Variants in DACH2 observed in about 807,000 individuals in gnomAD.
DACH2 encodes the protein dachshund family transcription factor 2, also known as dachshund homolog 2.
In DACH2, 17 loss-of-function variants were observed where a neutral mutation model predicts 35.8. The observed-to-expected ratio is 0.48, with a 90% CI of 0.33 to 0.71. The LOEUF (loss-of-function observed/expected upper bound fraction) is 0.71. DACH2 is among the 30% of genes least tolerant of loss of function. The probability of loss-of-function intolerance (pLI) is 0.02; values close to 1 mark genes in which losing one functional copy is unlikely to be tolerated. For missense variants in DACH2, 469 were observed against 472.7 expected (o/e 0.99, Z 0.07); for synonymous variants, 195 against 177.3 (o/e 1.10, Z -0.79).
chrX:86,517,214 G>GT (rs1483161161), intron 3 of DACH2, among the ~76,000 whole-genome samples: 1 of 111,304 alleles, frequency 9.0e-6, no homozygotes, highest in Non-Finnish European at 1.9e-5. Context: ...TCGTCAGCAT[G>GT]TTTTTTGACT....
intron 1 of DACH2, chrX:86,345,424 A>T: frequency 3.3e-6 from 1 of 304,862 alleles, no homozygotes; most frequent in South Asian, 3.1e-5. Flanking sequence ...CAGGAAAAAA[A>T]ATAGAAGGAA....
chrX:86,597,254 A>C (rs1319010328), intron 3 of DACH2, among the ~76,000 whole-genome samples: 1 of 111,795 alleles, frequency 8.9e-6, no homozygotes, highest in Non-Finnish European at 1.9e-5. Context: ...TTGTTTTCCA[A>C]ATCATGAACA....
At chrX:86,161,028 G>A in intron 1 of DACH2, 1 of 983,233 alleles carries the variant, frequency 1.0e-6, no homozygotes, top group Non-Finnish European at 1.4e-6. Flanking sequence ...CTTGAACGAA[G>A]GCACGTTAGC....
intron 2 of DACH2, among the ~76,000 whole-genome samples, chrX:86,500,948 G>A (rs1367570380): frequency 9.0e-6 from 1 of 111,412 alleles, no homozygotes; most frequent in Admixed American, 9.6e-5. Flanking sequence ...CCAACACAAA[G>A]GGAGGCAGAT....
chrX:86,484,913 TG>T (rs1054399244), intron 2 of DACH2, among the ~76,000 whole-genome samples: 3 of 111,828 alleles, frequency 2.7e-5, no homozygotes, highest in African/African-American at 9.7e-5. Context: ...TAGCACATAT[TG>T]TTGGGAGGTT....
chrX:86,195,657 A>G (rs188891673), intron 1 of DACH2, among the ~76,000 whole-genome samples: 34 of 111,959 alleles, frequency 3.0e-4, no homozygotes, highest in Non-Finnish European at 5.8e-4. Flanking sequence ...TCACAACACT[A>G]TAAAATGCTT....
At chrX:86,536,758 C>A (rs1156812596) in intron 3 of DACH2, among the ~76,000 whole-genome samples, 1 of 111,850 alleles carries the variant, frequency 8.9e-6, no homozygotes, top group Non-Finnish European at 1.9e-5. Context: ...ACATCTGTCT[C>A]CTCAAAATGT....
intron 4 of DACH2, among the ~76,000 whole-genome samples, chrX:86,691,152 C>A (rs1026548152): frequency 2.7e-5 from 3 of 111,532 alleles, no homozygotes; most frequent in Non-Finnish European, 3.8e-5. Flanking sequence ...AGTTTCTCTC[C>A]TCTTTACTGG....
Position 86,777,430 on chromosome X carries a change from T to C in DACH2, c.1241-35426T>C, listed in dbSNP as rs375952951. Among the ~76,000 whole-genome samples the C allele has an allele frequency of 3.6e-5, 4 of 111,237 alleles. 1 individual carries two copies. The South Asian group carries it at 1.5e-3, about 42-fold the overall frequency. ...AATCCCTAGAGAAGAGGGTTATCAGTGGTTTCAGGGAGAAAGGAAGCTTAC... is the reference window on the plus strand; with the variant it reads ...AATCCCTAGAGAAGAGGGTTATCAGCGGTTTCAGGGAGAAAGGAAGCTTAC... On this transcript the variant is annotated intron_variant, in intron 7 of 11. Transcript: ENST00000373125.
At chrX:86,523,500 A>G (rs1388075111) in intron 3 of DACH2, among the ~76,000 whole-genome samples, 2 of 111,727 alleles carry the variant, frequency 1.8e-5, no homozygotes, top group African/African-American at 6.5e-5. Flanking sequence ...CTTTTTTAGC[A>G]GTAAAAAATA....
chrX:86,771,425 C>A (rs1368446238), intron 7 of DACH2, among the ~76,000 whole-genome samples: 1 of 112,136 alleles, frequency 8.9e-6, no homozygotes, highest in Non-Finnish European at 1.9e-5. Context: ...TTATGGTTTC[C>A]ATGGGAAAGG....
intron 1 of DACH2, among the ~76,000 whole-genome samples, chrX:86,181,416 A>T (rs2031490181): frequency 9.0e-6 from 1 of 110,722 alleles, no homozygotes; most frequent in South Asian, 3.8e-4. Context: ...ACTCCCATTT[A>T]TGAGTGAAAA....
intron 2 of DACH2, among the ~76,000 whole-genome samples, chrX:86,391,542 G>T (rs923786291): frequency 3.6e-5 from 4 of 110,588 alleles, no homozygotes; most frequent in African/African-American, 1.3e-4. Flanking sequence ...CTTTCTACAT[G>T]AGGTTTTAAA....
chrX:86,276,000 C>G (rs184143503), intron 1 of DACH2, among the ~76,000 whole-genome samples: 2 of 112,327 alleles, frequency 1.8e-5, no homozygotes, highest in East Asian at 5.6e-4. Context: ...CTATTGTAAA[C>G]AGTGCTGCAA....
chrX:86,283,232 TGATGCTGGAGAGGATGTGGAGAAATAGG>T (rs1383397476), intron 1 of DACH2, among the ~76,000 whole-genome samples: 6 of 111,647 alleles, frequency 5.4e-5, no homozygotes, highest in African/African-American at 2.0e-4. Context: ...AGGAAACTAC[TGATGCTGGAGAGGATGTGGAGAAATAGG>T]GACACTTTTA....
chrX:86,743,208 C>T (rs995006738), intron 7 of DACH2, among the ~76,000 whole-genome samples: 4 of 110,919 alleles, frequency 3.6e-5, no homozygotes, highest in Non-Finnish European at 7.6e-5. Flanking sequence ...AGGTATTTAC[C>T]TGGAATACTG....
chrX:86,231,992 T>C lies in DACH2; in HGVS notation c.488+82884T>C, dbSNP rs1335852567. Among the ~76,000 whole-genome samples, 5 of 111,096 alleles carry C rather than the reference T, an allele frequency of 4.5e-5. No homozygotes were observed. The East Asian group carries it at 1.1e-3, about 25-fold the overall frequency. On this transcript the variant is annotated intron_variant, in intron 1 of 11. Coordinates refer to ENST00000373125, the MANE Select transcript of DACH2 (RefSeq NM_053281.3). ...CAGCTCCAGGTAAAGTTGGAACATC[T>C]CCTGCAAACAGACTTTCAGCTTCTC... is the stretch of plus-strand genomic sequence containing the variant.
chrX:86,759,820 T>G (rs778550759), intron 7 of DACH2, among the ~76,000 whole-genome samples: 81 of 111,878 alleles, frequency 7.2e-4, no homozygotes, highest in Non-Finnish European at 6.8e-4. Flanking sequence ...TTTTGTAGTT[T>G]TGTGTGTTTT....
intron 1 of DACH2, among the ~76,000 whole-genome samples, chrX:86,241,699 G>C (rs185546442): frequency 0.013 from 1,409 of 112,433 alleles, 21 homozygotes; most frequent in African/African-American, 0.043. Context: ...TGTCACAGCA[G>C]CCCCTCCCAT....
Sources: allele counts gnomAD v4.1 joint callset (sites outside exome capture counted in the v4.1 genomes callset), GRCh38; gene constraint gnomAD v4.1.1; transcripts MANE v1.5; gene names NCBI Gene and HGNC (gene_info 2026-07-23, HGNC 2026-07-21).